TRDMT1: variants seen among roughly 807,000 people sequenced by gnomAD.
The protein encoded by TRDMT1 is tRNA aspartic acid methyltransferase 1, also known as tRNA (cytosine(38)-C(5))-methyltransferase.
TRDMT1 carries 49 observed loss-of-function variants against 51.2 expected under a neutral mutation model. That is an observed-to-expected ratio of 0.96 (90% CI 0.76 to 1.21). TRDMT1 has a LOEUF of 1.21. Ranked by LOEUF, TRDMT1 falls within the 50% of genes most tolerant of loss-of-function variation. TRDMT1 has a pLI of 0.00. For synonymous variants in TRDMT1, 187 were observed against 164.6 expected (o/e 1.14, Z -1.04); for missense variants, 534 against 462.3 (o/e 1.16, Z -1.42).
rs1161909091 is a variant in TRDMT1 at position 17,143,437 on chromosome 10, A to C, written c.*5603T>G. ...GGATCAGCTCTTAAATATGAAAGTCAACTCATTTCTACTACACAAGGAGTA... is the reference window on the plus strand; with the variant it reads ...GGATCAGCTCTTAAATATGAAAGTCCACTCATTTCTACTACACAAGGAGTA... On this transcript the variant is annotated 3_prime_UTR_variant, in exon 11 of 11. Coordinates refer to ENST00000377799, the MANE Select transcript of TRDMT1 (RefSeq NM_004412.7). 2 of 985,324 alleles carry C rather than the reference A, an allele frequency of 2.0e-6. No homozygotes were observed. The highest frequency in any genetic ancestry group is 2.4e-6 in the Non-Finnish European group (2 of 829,920). 61.0% of individuals were successfully genotyped at this position (985,324 alleles called of 1,614,324 possible). A position where few individuals can be genotyped will look rare whatever the true frequency, so the allele number is the denominator to read the frequency against.
intron 3 of TRDMT1, among the ~76,000 whole-genome samples, chr10:17,168,161 G>T (rs1363449959): frequency 6.6e-6 from 1 of 151,900 alleles, no homozygotes; most frequent in Non-Finnish European, 1.5e-5. Flanking sequence ...AAATTAGCTG[G>T]GCATGGAAGT....
intron 1 of TRDMT1, among the ~76,000 whole-genome samples, chr10:17,180,787 T>C (rs949495706): frequency 3.3e-5 from 5 of 152,080 alleles, no homozygotes; most frequent in Non-Finnish European, 7.3e-5. Flanking sequence ...CCTAGCAAAA[T>C]GCTAAACTGA....
In TRDMT1 at chr10:17,185,179, C is replaced by T. The variant is rs1351858466; in HGVS notation, c.65-10519G>A. 2.8e-4 allele frequency among the ~76,000 whole-genome samples: 43 copies of T among 152,022 alleles called. 1 individual carries two copies. Among genetic ancestry groups the T allele is most frequent in the Admixed American group, 2.8e-3 (43 of 15,238 alleles). ...GTGTCTGGCATATAATAAATGTTTG[C>T]CATTATTATTATTGAAAGTGCAAAG... On this transcript the variant is annotated intron_variant, in intron 1 of 10. Coordinates refer to ENST00000377799, the MANE Select transcript of TRDMT1 (RefSeq NM_004412.7).
In TRDMT1 at chr10:17,138,871, C is replaced by G. The variant is rs967550468; in HGVS notation, c.*10169G>C. Among the ~76,000 whole-genome samples, 135 of 152,168 alleles carry G rather than the reference C, an allele frequency of 8.9e-4. No individual in the cohort carries two copies. The highest frequency in any genetic ancestry group is 3.2e-3 in the African/African-American group (131 of 41,492). ...GGAATAGGGCTTTGGAGGAGGAGCA[C>G]AGGGGTGTTCGTGGCACATGTATAC... On this transcript the variant is annotated 3_prime_UTR_variant, in exon 11 of 11. Coordinates refer to ENST00000377799, the MANE Select transcript of TRDMT1 (RefSeq NM_004412.7).
rs528691483 is a variant in TRDMT1 at position 17,193,917 on chromosome 10, A to G, written c.64+7654T>C. 1.2e-4 allele frequency among the ~76,000 whole-genome samples: 19 copies of G among 152,346 alleles called. No individual in the cohort carries two copies. The South Asian group carries it at 2.3e-3, about 18-fold the overall frequency. On this transcript the variant is annotated intron_variant, in intron 1 of 10. Coordinates refer to ENST00000377799, the MANE Select transcript of TRDMT1 (RefSeq NM_004412.7). ...ATTAATGGACTTCAAACTATACTAT[A>G]AGACTACGGTAACCAAGACAGCATG... is the stretch of plus-strand genomic sequence containing the variant.
chr10:17,189,648 G>C (rs1452684771), intron 1 of TRDMT1, among the ~76,000 whole-genome samples: 1 of 152,012 alleles, frequency 6.6e-6, no homozygotes, highest in African/African-American at 2.4e-5. Context: ...AAATTATTCT[G>C]GTACTTTATT....
At chr10:17,178,254 T>G (rs1842854147) in intron 1 of TRDMT1, among the ~76,000 whole-genome samples, 1 of 152,226 alleles carries the variant, frequency 6.6e-6, no homozygotes, top group African/African-American at 2.4e-5. Flanking sequence ...GTCCTTTCAT[T>G]CAAAGTGCTG....
At position 17,149,385 on chromosome 10, in the gene TRDMT1, T is replaced by C. The variant is rs996133311; in HGVS notation, c.1076-245A>G. ...CTCAGCACACACACATGTACACATA[T>C]AATATCCACAGAACTCAGAGAAATG... is the stretch of plus-strand genomic sequence containing the variant. On this transcript the variant is annotated intron_variant, in intron 10 of 10. Transcript: ENST00000377799. 6.6e-5 allele frequency among the ~76,000 whole-genome samples: 10 copies of C among 152,272 alleles called. No individual in the cohort carries two copies. In the East Asian group the frequency reaches 1.9e-3, roughly 29 times the overall value.
chr10:17,151,805 T>G (rs1838775155), intron 10 of TRDMT1: 1 of 849,488 alleles, frequency 1.2e-6, no homozygotes, highest in African/African-American at 1.8e-5. Flanking sequence ...AGATATTAGA[T>G]AAGAATTTCA....
intron 1 of TRDMT1, among the ~76,000 whole-genome samples, chr10:17,197,509 G>A (rs543727614): frequency 3.3e-5 from 5 of 152,160 alleles, no homozygotes; most frequent in Non-Finnish European, 5.9e-5. Context: ...TGTTCACTGG[G>A]TTTGAGGCAA....
At chr10:17,164,689 A>G (rs1265480462) in intron 3 of TRDMT1, among the ~76,000 whole-genome samples, 1 of 151,732 alleles carries the variant, frequency 6.6e-6, no homozygotes, top group Non-Finnish European at 1.5e-5. Flanking sequence ...TACAAAATCA[A>G]TGTGCAAAAA....
chr10:17,150,279 T>C, intron 10 of TRDMT1: 2 of 549,646 alleles, frequency 3.6e-6, no homozygotes, highest in Non-Finnish European at 4.6e-6. Context: ...CTATTCCTTT[T>C]GGAGAAATGT....
chr10:17,161,761 A>T (rs1314526664), intron 4 of TRDMT1, among the ~76,000 whole-genome samples: 1 of 152,196 alleles, frequency 6.6e-6, no homozygotes, highest in Non-Finnish European at 1.5e-5. Context: ...GTTGATTTCC[A>T]TTGAAGTTTA....
intron 8 of TRDMT1, among the ~76,000 whole-genome samples, chr10:17,156,209 GCA>G: frequency 6.6e-6 from 1 of 151,882 alleles, no homozygotes; most frequent in African/African-American, 2.4e-5. Context: ...CATTCAGAAA[GCA>G]CAGACAGAGA....
At chr10:17,151,420 G>A (rs1286128509) in intron 10 of TRDMT1, 2 of 978,356 alleles carry the variant, frequency 2.0e-6, no homozygotes, top group African/African-American at 3.5e-5. Context: ...AACCAGGACA[G>A]AGGGTTTGGA....
At chr10:17,176,534 T>G (rs1242745367) in intron 1 of TRDMT1, among the ~76,000 whole-genome samples, 2 of 152,166 alleles carry the variant, frequency 1.3e-5, no homozygotes, top group Non-Finnish European at 2.9e-5. Context: ...TCAAAGCCAA[T>G]AAGCAAATGC....
Position 17,145,171 on chromosome 10 carries a change from C to A in TRDMT1, c.*3869G>T. Reference sequence around the variant, plus strand: ...CTGAGGCAGGAAAATCACTTTAACCCAGGAGGGGGAGATTGCAGTGAGCCG... The same window carrying A: ...CTGAGGCAGGAAAATCACTTTAACCAAGGAGGGGGAGATTGCAGTGAGCCG... On this transcript the variant is annotated 3_prime_UTR_variant, in exon 11 of 11. Coordinates refer to ENST00000377799, the MANE Select transcript of TRDMT1 (RefSeq NM_004412.7). 4.3e-6 allele frequency: 3 copies of A among 700,034 alleles called. No homozygotes were observed. The highest frequency in any genetic ancestry group is 5.3e-6 in the Non-Finnish European group (3 of 569,550). The allele number at this position is 700,034 out of a possible 1,614,324, so 43.4% of individuals were successfully genotyped here. A position where few individuals can be genotyped will look rare whatever the true frequency, so the allele number is the denominator to read the frequency against.
At position 17,154,742 on chromosome 10, in the gene TRDMT1, A is replaced by C; in HGVS notation, c.888-8T>G. On this transcript the variant is annotated splice_polypyrimidine_tract_variant and splice_region_variant and intron_variant, in intron 8 of 10. Transcript: ENST00000377799. ...TCTATGTAGCTTCCATATCTGAAAA[A>C]TCAACACAACAATTATGCAGCACCT... is the stretch of plus-strand genomic sequence containing the variant. The C allele has an allele frequency of 6.2e-7, 1 of 1,600,942 alleles. No individual in the cohort carries two copies.
At chr10:17,153,271 T>C (rs1450634488) in intron 10 of TRDMT1, 3 of 537,386 alleles carry the variant, frequency 5.6e-6, no homozygotes, top group Non-Finnish European at 9.8e-6. Flanking sequence ...CTTCTAGCCA[T>C]GCCAACCTCT....
Sources: gnomAD v4.1 joint callset for allele counts (sites outside exome capture counted in the v4.1 genomes callset) on GRCh38, gnomAD v4.1.1 for gene constraint, MANE v1.5 for transcripts, NCBI Gene and HGNC (gene_info 2026-07-23, HGNC 2026-07-21) for gene names.